The following FBXW10 variants were observed in gnomAD, a reference collection of about 807,000 sequenced individuals.
FBXW10 encodes the protein F-box and WD repeat domain containing 10, also known as F-box/WD repeat-containing protein 10.
FBXW10 carries 68 observed loss-of-function variants against 113.1 expected under a neutral mutation model. The observed-to-expected ratio is 0.60, with a 90% CI of 0.49 to 0.74. FBXW10 has a LOEUF of 0.74. FBXW10 is among the 30% of genes least tolerant of loss of function. FBXW10 has a pLI of 0.00. For synonymous variants in FBXW10, 289 were observed against 481.6 expected, an observed-to-expected ratio of 0.60 and a Z score of 5.24; for missense variants, 753 against 1,284.5, an observed-to-expected ratio of 0.59 and a Z score of 6.32.
intron 5 of FBXW10, among the ~76,000 whole-genome samples, chr17:18,755,481 G>C (rs1366472669): frequency 1.3e-5 from 2 of 152,152 alleles, no homozygotes; most frequent in Non-Finnish European, 2.9e-5. Flanking sequence ...CTTGAACCCA[G>C]GAGGGCGGAG....
Position 18,768,051 on chromosome 17 carries a change from C to CTTCCTTCCTTCT in FBXW10, c.1705-480_1705-479insCTTCCTTCTTTC, listed in dbSNP as rs1257481213. ...TCTTCCTTCCTTCCTTCCTTCCTTC[C>CTTCCTTCCTTCT]TTCTTTCTTTCTTTCTTTCTTCTTT... On this transcript the variant is annotated intron_variant, in intron 9 of 13. Transcript: ENST00000395665. Among the ~76,000 whole-genome samples, 20 of 91,780 alleles carry CTTCCTTCCTTCT rather than the reference C, an allele frequency of 2.2e-4. No individual in the cohort carries two copies. The South Asian group carries it at 2.2e-3, about 10-fold the overall frequency. 60.2% of individuals were successfully genotyped at this position (91,780 alleles called of 152,430 possible).
chr17:18,767,073 T>A (rs906727811), intron 9 of FBXW10, among the ~76,000 whole-genome samples: 1 of 152,116 alleles, frequency 6.6e-6, no homozygotes, highest in Non-Finnish European at 1.5e-5. Context: ...ACCCACGGTA[T>A]CATGGGGTTG....
At chr17:18,747,565 AAAAC>A (rs2035061644) in intron 1 of FBXW10, among the ~76,000 whole-genome samples, 3 of 152,086 alleles carry the variant, frequency 2.0e-5, no homozygotes, top group Admixed American at 1.3e-4. Context: ...TCAAAAACCA[AAAAC>A]AAACAAACCA....
chr17:18,745,088 G>T (rs2035014541), intron 1 of FBXW10: 1 of 1,213,592 alleles, frequency 8.2e-7, no homozygotes, highest in African/African-American at 1.6e-5. Context: ...TCCTGCTTTA[G>T]GGATTGGACT....
At chr17:18,778,059 G>A (rs542659751) in intron 13 of FBXW10, among the ~76,000 whole-genome samples, 3 of 151,736 alleles carry the variant, frequency 2.0e-5, no homozygotes, top group African/African-American at 7.2e-5. Flanking sequence ...GGCCATCCTG[G>A]CTAACACGGT....
chr17:18,751,335 C>A (rs924969333), intron 5 of FBXW10, among the ~76,000 whole-genome samples: 1 of 152,022 alleles, frequency 6.6e-6, no homozygotes, highest in Non-Finnish European at 1.5e-5. Context: ...ACGCCATTCT[C>A]CTGCCTCAGC....
At chr17:18,766,276 A>G (rs893720127) in intron 8 of FBXW10, among the ~76,000 whole-genome samples, 19 of 152,314 alleles carry the variant, frequency 1.2e-4, no homozygotes, top group African/African-American at 4.6e-4. Context: ...ACATCTGGGA[A>G]AAATGACAAC....
rs969800918 is a variant in FBXW10 at position 18,761,517 on chromosome 17, G to A, written c.1433+3012G>A. Among the ~76,000 whole-genome samples the A allele has an allele frequency of 2.6e-5, 4 of 152,044 alleles. No individual in the cohort carries two copies. The East Asian group carries it at 7.7e-4, about 29-fold the overall frequency. The stretch of plus-strand genomic sequence containing the variant: ...CCTGACCTCGTGATTCGCCCGCCTC[G>A]GCCTCCCAAAGTGCTGGGATTACAG... On this transcript the variant is annotated intron_variant, in intron 7 of 13. Coordinates refer to ENST00000395665, the MANE Select transcript of FBXW10 (RefSeq NM_001267585.2).
chr17:18,764,809 A>G lies in FBXW10; in HGVS notation c.1501A>G (p.Met501Val). ...TGGTCACCAGGGGACTATCACTTGCATGGACTTGTGTAAGAACAGGCTCGT... is the reference window on the plus strand; with the variant it reads ...TGGTCACCAGGGGACTATCACTTGCGTGGACTTGTGTAAGAACAGGCTCGT... ...FGGHQGTITC[M>V]DLCKNRLVSG... Residue 501 changes from methionine (M) to valine (V), a missense_variant, in exon 8 of 14, where the codon ATG becomes GTG. Physicochemically the swap from Met to Val is conservative, Grantham distance 21. Transcript: ENST00000395665. 2 of 1,613,962 alleles carry G rather than the reference A, an allele frequency of 1.2e-6. No individual in the cohort carries two copies. The highest frequency in any genetic ancestry group is 1.7e-6 in the Non-Finnish European group (2 of 1,179,860).
At chr17:18,776,393 G>T (rs2035700140) in intron 13 of FBXW10, among the ~76,000 whole-genome samples, 1 of 152,048 alleles carries the variant, frequency 6.6e-6, no homozygotes, top group African/African-American at 2.4e-5. Context: ...TAAGGACATT[G>T]GTAAAAATTT....
At chr17:18,746,451 C>G (rs1245292594) in intron 1 of FBXW10, among the ~76,000 whole-genome samples, 1 of 151,944 alleles carries the variant, frequency 6.6e-6, no homozygotes, top group Non-Finnish European at 1.5e-5. Context: ...GTCACCAGTG[C>G]GACCTGACAG....
Position 18,744,087 on chromosome 17 carries a change from C to A in FBXW10, c.-158C>A. ...GCTGGCAGTTACTGAGAGAGATAGG[C>A]TTTCCATCCATGGCAGCCATTTACT... On this transcript the variant is annotated 5_prime_UTR_variant, in exon 1 of 14. Transcript: ENST00000395665. 7 of 1,119,350 alleles carry A rather than the reference C, an allele frequency of 6.3e-6. No homozygotes were observed. Among genetic ancestry groups the A allele is most frequent in the Non-Finnish European group, 7.6e-6 (6 of 793,024 alleles). 69.3% of individuals were successfully genotyped at this position (1,119,350 alleles called of 1,614,324 possible). A position where few individuals can be genotyped will look rare whatever the true frequency, so the allele number is the denominator to read the frequency against.
chr17:18,772,727 G>A (rs1366155590), intron 12 of FBXW10, 44 bp downstream of exon 12: 1 of 1,563,920 alleles, frequency 6.4e-7, no homozygotes. Flanking sequence ...AACCCACAGA[G>A]CAGGTCGGGG....
Position 18,744,739 on chromosome 17 carries a change from CAAT to C in FBXW10, c.497_499del (p.Asn166del). On this transcript the variant is annotated inframe_deletion, in exon 1 of 14. Coordinates refer to ENST00000395665, the MANE Select transcript of FBXW10 (RefSeq NM_001267585.2). ...GAGTCCTGTTTCTGAGAGAGGAGAA[CAAT>C]ATCTCAGGTAAACAAGGCCACAGGC... The C allele has an allele frequency of 6.2e-7, 1 of 1,613,276 alleles. No individual in the cohort carries two copies. Among genetic ancestry groups the C allele is most frequent in the Non-Finnish European group, 8.5e-7 (1 of 1,179,304 alleles).
intron 7 of FBXW10, among the ~76,000 whole-genome samples, chr17:18,758,741 G>A (rs557032735): frequency 6.8e-6 from 1 of 147,510 alleles, no homozygotes; most frequent in Admixed American, 6.9e-5. Context: ...ATTGATGACT[G>A]CAAATCAGAA....
At chr17:18,776,735 C>T (rs2035706353) in intron 13 of FBXW10, among the ~76,000 whole-genome samples, 1 of 152,198 alleles carries the variant, frequency 6.6e-6, no homozygotes, top group Non-Finnish European at 1.5e-5. Context: ...TGGGTGTTAG[C>T]TGGCATTTTG....
chr17:18,755,935 GA>G (rs764324133), intron 5 of FBXW10, 109 bp from the exon 6 acceptor site: 2 of 1,041,024 alleles, frequency 1.9e-6, no homozygotes, highest in Non-Finnish European at 2.8e-6. Flanking sequence ...TCAGCCTTCA[GA>G]GGAAGAATCC....
At chr17:18,761,298 C>T (rs2035379231) in intron 7 of FBXW10, among the ~76,000 whole-genome samples, 1 of 151,320 alleles carries the variant, frequency 6.6e-6, no homozygotes, top group Admixed American at 6.6e-5. Flanking sequence ...CGGAGTCTCG[C>T]TCTCTCGCCC....
chr17:18,750,190 G>T, intron 4 of FBXW10, 53 bp downstream of exon 4: 1 of 1,530,168 alleles, frequency 6.5e-7, no homozygotes, highest in South Asian at 1.2e-5. Flanking sequence ...TCATTTTCGT[G>T]TTGAGGCTGA....
Sources: gnomAD v4.1 joint callset for allele counts (sites outside exome capture counted in the v4.1 genomes callset) on GRCh38, gnomAD v4.1.1 for gene constraint, MANE v1.5 for transcripts, NCBI Gene and HGNC (gene_info 2026-07-23, HGNC 2026-07-21) for gene names.